The following SAMTOR variants were observed in gnomAD, a reference collection of about 807,000 sequenced individuals.
SAMTOR encodes the protein UPF0532 protein C7orf60.
the SAMTOR span, among the ~76,000 whole-genome samples, chr7:112,855,723 T>C: frequency 6.6e-6 from 1 of 152,206 alleles, no homozygotes; most frequent in Non-Finnish European, 1.5e-5. Context: ...AAGAAAGTTC[T>C]TGGTTTTTAA....
At chr7:112,821,739 C>T in the SAMTOR span, 3 of 1,575,622 alleles carry the variant, frequency 1.9e-6, no homozygotes, top group South Asian at 2.4e-5. Context: ...CTTTTTGCTT[C>T]TATATTAACT....
At chr7:112,925,164 G>A in the SAMTOR span, among the ~76,000 whole-genome samples, 7 of 152,144 alleles carry the variant, frequency 4.6e-5, no homozygotes, top group Non-Finnish European at 7.3e-5. Context: ...AAAGTGAGGC[G>A]TTTGAAACAA....
the SAMTOR span, chr7:112,915,322 T>C: frequency 1.2e-5 from 20 of 1,612,246 alleles, no homozygotes; most frequent in Non-Finnish European, 1.7e-5. Flanking sequence ...CACCATTCAA[T>C]ACGACCTTCG....
the SAMTOR span, among the ~76,000 whole-genome samples, chr7:112,873,998 G>A: frequency 6.6e-6 from 1 of 152,066 alleles, no homozygotes; most frequent in Admixed American, 6.5e-5. Context: ...AAACCACAAT[G>A]AGACACCGTC....
the SAMTOR span, among the ~76,000 whole-genome samples, chr7:112,874,618 C>G: frequency 5.9e-5 from 9 of 151,998 alleles, no homozygotes; most frequent in African/African-American, 1.5e-4. Flanking sequence ...GTAACAAGTA[C>G]CCCTTGAATC....
chr7:112,908,183 T>G, the SAMTOR span, among the ~76,000 whole-genome samples: 2 of 152,170 alleles, frequency 1.3e-5, no homozygotes, highest in African/African-American at 2.4e-5. Context: ...TTGGATGATA[T>G]TAACATTTAC....
At chr7:112,895,586 G>C in the SAMTOR span, 1 of 1,557,568 alleles carries the variant, frequency 6.4e-7, no homozygotes, top group South Asian at 1.2e-5. Flanking sequence ...TAAATTCAGG[G>C]TTTGTAAAGC....
the SAMTOR span, among the ~76,000 whole-genome samples, chr7:112,864,113 T>C: frequency 6.6e-6 from 1 of 152,158 alleles, no homozygotes; most frequent in African/African-American, 2.4e-5. Flanking sequence ...ATGGCCATGG[T>C]GGCCATTATC....
At chr7:112,891,571 G>A in the SAMTOR span, among the ~76,000 whole-genome samples, 14 of 152,246 alleles carry the variant, frequency 9.2e-5, no homozygotes, top group Non-Finnish European at 1.5e-4. Flanking sequence ...AAGGGTATAG[G>A]AACAATTTTA....
chr7:112,911,838 T>C, the SAMTOR span, among the ~76,000 whole-genome samples: 1 of 151,836 alleles, frequency 6.6e-6, no homozygotes, highest in South Asian at 2.1e-4. Context: ...AGTAAAGATA[T>C]ATAGAATACT....
the SAMTOR span, among the ~76,000 whole-genome samples, chr7:112,861,097 G>C: frequency 1.3e-4 from 20 of 151,998 alleles, no homozygotes; most frequent in African/African-American, 4.8e-4. Flanking sequence ...AAGTGATTAT[G>C]TCTTGAGATA....
At chr7:112,847,177 A>G in the SAMTOR span, among the ~76,000 whole-genome samples, 1 of 152,204 alleles carries the variant, frequency 6.6e-6, no homozygotes, top group African/African-American at 2.4e-5. Context: ...TAGGGGAAAA[A>G]TCTTATTTGC....
the SAMTOR span, among the ~76,000 whole-genome samples, chr7:112,928,077 T>G: frequency 6.6e-6 from 1 of 152,010 alleles, no homozygotes; most frequent in African/African-American, 2.4e-5. Flanking sequence ...TTCATTAATT[T>G]AAAAAGAGTT....
At chr7:112,890,112 T>A in the SAMTOR span, among the ~76,000 whole-genome samples, 1 of 152,104 alleles carries the variant, frequency 6.6e-6, no homozygotes, top group Non-Finnish European at 1.5e-5. Context: ...CACAAAGCCA[T>A]GGCTGATGGG....
chr7:112,925,246 T>A, the SAMTOR span, among the ~76,000 whole-genome samples: 1 of 152,184 alleles, frequency 6.6e-6, no homozygotes, highest in African/African-American at 2.4e-5. Context: ...TCCATCAAAT[T>A]TGAAACTAAA....
the SAMTOR span, among the ~76,000 whole-genome samples, chr7:112,936,015 T>G: frequency 4.1e-4 from 63 of 152,368 alleles, no homozygotes; most frequent in East Asian, 0.011. Flanking sequence ...GAAACTAGTT[T>G]TTTTAATTAA....
chr7:112,882,669 C>T, the SAMTOR span, among the ~76,000 whole-genome samples: 1 of 150,334 alleles, frequency 6.7e-6, no homozygotes, highest in East Asian at 2.0e-4. Flanking sequence ...AGCCTGCCAA[C>T]AGAGCAAGAC....
chr7:112,886,998 CT>C, the SAMTOR span, among the ~76,000 whole-genome samples: 1 of 151,844 alleles, frequency 6.6e-6, no homozygotes, highest in Non-Finnish European at 1.5e-5. Context: ...AACCCCATCT[CT>C]ACTAAAAATA....
chr7:112,907,172 T>C, the SAMTOR span, among the ~76,000 whole-genome samples: 1 of 151,970 alleles, frequency 6.6e-6, no homozygotes, highest in African/African-American at 2.4e-5. Context: ...ACAGAAAAGC[T>C]AAAACAAAAC....
Sources: allele counts gnomAD v4.1 joint callset (sites outside exome capture counted in the v4.1 genomes callset), GRCh38; gene constraint gnomAD v4.1.1; transcripts MANE v1.5; gene names NCBI Gene and HGNC (gene_info 2026-07-23, HGNC 2026-07-21).